NXPE2: variants seen among roughly 807,000 people sequenced by gnomAD.
NXPE2 encodes the protein NXPE family member 2.
Under a neutral mutation model 34.4 loss-of-function variants are expected in NXPE2, and 34 were observed. The observed-to-expected ratio is 0.99, with a 90% CI of 0.75 to 1.31. NXPE2 has a LOEUF of 1.31. Ranked by LOEUF, NXPE2 falls within the 40% of genes most tolerant of loss-of-function variation. The pLI, the probability that NXPE2 is intolerant of heterozygous loss-of-function variation, is 0.00. For synonymous variants in NXPE2, 235 were observed against 231.3 expected (o/e 1.02, Z -0.15); for missense variants, 649 against 672.5 (o/e 0.97, Z 0.39).
At chr11:114,735,911 G>A in the NXPE2 span, among the ~76,000 whole-genome samples, 18,931 of 152,054 alleles carry the variant, frequency 0.12, 1,321 homozygotes, top group African/African-American at 0.18. Flanking sequence ...TTCCCTAAGC[G>A]TCCGCCGGTT....
the NXPE2 span, among the ~76,000 whole-genome samples, chr11:114,743,350 TCA>T: frequency 6.6e-6 from 1 of 152,174 alleles, no homozygotes; most frequent in African/African-American, 2.4e-5. Context: ...GCTCTGTGTC[TCA>T]GTTTATTTAA....
the NXPE2 span, among the ~76,000 whole-genome samples, chr11:114,615,934 G>A: frequency 2.0e-5 from 3 of 151,492 alleles, no homozygotes; most frequent in East Asian, 1.9e-4. Flanking sequence ...AATATGTATC[G>A]ACTTATGGGT....
At chr11:114,779,049 C>T in the NXPE2 span, among the ~76,000 whole-genome samples, 5 of 152,178 alleles carry the variant, frequency 3.3e-5, no homozygotes, top group African/African-American at 1.2e-4. Context: ...TCTCTGTAGC[C>T]ATCTTTCTTT....
At chr11:114,807,366 T>C in the NXPE2 span, among the ~76,000 whole-genome samples, 3 of 152,228 alleles carry the variant, frequency 2.0e-5, no homozygotes, top group Admixed American at 2.0e-4. Context: ...GTAAATGGGC[T>C]AAATGCTGCA....
chr11:114,767,511 G>A, the NXPE2 span, among the ~76,000 whole-genome samples: 41 of 152,194 alleles, frequency 2.7e-4, no homozygotes, highest in African/African-American at 9.6e-4. Context: ...TTGCATGGCA[G>A]TGTAATCCTT....
chr11:114,692,120 T>C (rs1951164282), intron 2 of NXPE2, among the ~76,000 whole-genome samples: 1 of 152,314 alleles, frequency 6.6e-6, no homozygotes, highest in African/African-American at 2.4e-5. Context: ...CCAGAGCAAA[T>C]GCTGCAAACT....
chr11:114,523,673 C>T, the NXPE2 span, among the ~76,000 whole-genome samples: 1 of 152,162 alleles, frequency 6.6e-6, no homozygotes, highest in South Asian at 2.1e-4. Flanking sequence ...GGAAGTTTCA[C>T]TAGAGTTTCA....
the NXPE2 span, among the ~76,000 whole-genome samples, chr11:114,737,440 CAATA>C: frequency 1.3e-5 from 2 of 152,108 alleles, no homozygotes; most frequent in East Asian, 3.9e-4. Context: ...AAAATTATAA[CAATA>C]AAGTATAAAA....
chr11:114,729,361 TG>T, the NXPE2 span, among the ~76,000 whole-genome samples: 1 of 152,138 alleles, frequency 6.6e-6, no homozygotes, highest in Non-Finnish European at 1.5e-5. Flanking sequence ...AATAGTACTG[TG>T]ATGAACTTAC....
the NXPE2 span, among the ~76,000 whole-genome samples, chr11:114,653,740 G>A: frequency 6.6e-6 from 1 of 151,918 alleles, no homozygotes; most frequent in Non-Finnish European, 1.5e-5. Context: ...GTGTTAGCCA[G>A]GATGGTCTTG....
the NXPE2 span, among the ~76,000 whole-genome samples, chr11:114,726,030 TAA>T: frequency 7.2e-6 from 1 of 137,956 alleles, no homozygotes; most frequent in Admixed American, 7.6e-5. Flanking sequence ...AGAATCACAA[TAA>T]AGTGTTTCTG....
chr11:114,470,049 A>G, the NXPE2 span, among the ~76,000 whole-genome samples: 73,056 of 152,034 alleles, frequency 0.48, 18,115 homozygotes, highest in African/African-American at 0.59. Context: ...TTGCTAAGGA[A>G]CATTTCATTG....
chr11:114,631,342 C>A, the NXPE2 span, among the ~76,000 whole-genome samples: 8 of 151,668 alleles, frequency 5.3e-5, no homozygotes, highest in African/African-American at 1.9e-4. Context: ...ACTATGCAGC[C>A]ATAAAAAATG....
At chr11:114,468,195 T>C in the NXPE2 span, among the ~76,000 whole-genome samples, 1 of 151,992 alleles carries the variant, frequency 6.6e-6, no homozygotes, top group Non-Finnish European at 1.5e-5. Flanking sequence ...TGAATTTGTA[T>C]TGGGCTGCAT....
chr11:114,698,846 T>C lies in NXPE2; in HGVS notation c.866+68T>C. The C allele has an allele frequency of 2.1e-6, 3 of 1,402,478 alleles. No individual in the cohort carries two copies. In the South Asian group the frequency reaches 4.6e-5, roughly 22 times the overall value. The allele number at this position is 1,402,478 out of a possible 1,614,324, so 86.9% of individuals were successfully genotyped here. A position where few individuals can be genotyped will look rare whatever the true frequency, so the allele number is the denominator to read the frequency against. ...CCGACCAAACTCTGCCTAGTAGTTTTGCCTAATCAAACTTTTGTATCATGT... is the reference window on the plus strand; with the variant it reads ...CCGACCAAACTCTGCCTAGTAGTTTCGCCTAATCAAACTTTTGTATCATGT... On this transcript the variant is annotated intron_variant, in intron 3 of 5. Coordinates refer to ENST00000389586, the MANE Select transcript of NXPE2 (RefSeq NM_182495.6).
At chr11:114,704,178 C>A in intron 4 of NXPE2, 126 bp downstream of exon 4, 1 of 692,056 alleles carries the variant, frequency 1.4e-6, no homozygotes, top group Non-Finnish European at 2.4e-6. Context: ...TTACATCAAC[C>A]ACCTTGGGTT....
the NXPE2 span, among the ~76,000 whole-genome samples, chr11:114,738,330 A>G: frequency 6.6e-6 from 1 of 152,242 alleles, no homozygotes; most frequent in African/African-American, 2.4e-5. Flanking sequence ...ACTAAATCTC[A>G]GAACTACATA....
the NXPE2 span, among the ~76,000 whole-genome samples, chr11:114,469,895 T>TTA: frequency 6.6e-6 from 1 of 152,234 alleles, no homozygotes; most frequent in Non-Finnish European, 1.5e-5. Context: ...CTTTCTGTCT[T>TTA]TATAGATGAG....
At chr11:114,485,087 G>T in the NXPE2 span, among the ~76,000 whole-genome samples, 1 of 152,088 alleles carries the variant, frequency 6.6e-6, no homozygotes, top group African/African-American at 2.4e-5. Context: ...TATTTATGGG[G>T]TATATGAGAT....
Sources: allele counts gnomAD v4.1 joint callset (sites outside exome capture counted in the v4.1 genomes callset), GRCh38; gene constraint gnomAD v4.1.1; transcripts MANE v1.5; gene names NCBI Gene and HGNC (gene_info 2026-07-23, HGNC 2026-07-21).